HYCC1: variants seen among roughly 807,000 people sequenced by gnomAD.
HYCC1 encodes hyccin PI4KA lipid kinase complex subunit 1, also known as hyccin.
the HYCC1 span, among the ~76,000 whole-genome samples, chr7:22,952,810 A>T: frequency 2.6e-5 from 4 of 151,894 alleles, no homozygotes; most frequent in African/African-American, 9.7e-5. Flanking sequence ...GCTATCACAG[A>T]AACACAGGAT....
the HYCC1 span, among the ~76,000 whole-genome samples, chr7:23,002,797 G>T: frequency 6.6e-6 from 1 of 152,254 alleles, no homozygotes; most frequent in East Asian, 1.9e-4. Flanking sequence ...CACAGACTGG[G>T]TGGCTTAAAC....
At chr7:22,898,457 C>T in the HYCC1 span, among the ~76,000 whole-genome samples, 6 of 151,974 alleles carry the variant, frequency 3.9e-5, no homozygotes, top group Non-Finnish European at 8.8e-5. Context: ...CATGATCTGC[C>T]TGACTTGGCC....
At chr7:22,968,821 A>C in the HYCC1 span, among the ~76,000 whole-genome samples, 1 of 152,078 alleles carries the variant, frequency 6.6e-6, no homozygotes, top group Non-Finnish European at 1.5e-5. Context: ...CCCCATTTCT[A>C]CTAAAAATAC....
chr7:22,977,664 T>C, the HYCC1 span, among the ~76,000 whole-genome samples: 1 of 152,196 alleles, frequency 6.6e-6, no homozygotes, highest in Admixed American at 6.5e-5. Context: ...AGATACAGTG[T>C]CTTAATAATC....
At chr7:23,002,711 G>A in the HYCC1 span, among the ~76,000 whole-genome samples, 1 of 152,150 alleles carries the variant, frequency 6.6e-6, no homozygotes, top group Admixed American at 6.5e-5. Context: ...GGCAAATTAA[G>A]GGTATTTGAG....
At chr7:22,899,184 TG>T in the HYCC1 span, among the ~76,000 whole-genome samples, 1 of 152,078 alleles carries the variant, frequency 6.6e-6, no homozygotes, top group African/African-American at 2.4e-5. Flanking sequence ...GAGTGAGGTC[TG>T]GGGATATTAA....
chr7:22,966,351 A>G, the HYCC1 span, among the ~76,000 whole-genome samples: 4 of 151,940 alleles, frequency 2.6e-5, no homozygotes, highest in Non-Finnish European at 4.4e-5. Context: ...GAGTGCAGTG[A>G]CATGATCTTG....
the HYCC1 span, among the ~76,000 whole-genome samples, chr7:22,978,889 C>G: frequency 5.3e-5 from 8 of 152,260 alleles, no homozygotes; most frequent in South Asian, 1.7e-3. Context: ...TCCTCTCCCA[C>G]CACACTCTCA....
the HYCC1 span, among the ~76,000 whole-genome samples, chr7:22,925,370 G>C: frequency 6.6e-6 from 1 of 152,118 alleles, no homozygotes; most frequent in Non-Finnish European, 1.5e-5. Context: ...GGCTCCAGAA[G>C]ATCAAGCTAC....
chr7:22,955,454 T>C, the HYCC1 span, among the ~76,000 whole-genome samples: 1 of 151,616 alleles, frequency 6.6e-6, no homozygotes, highest in Non-Finnish European at 1.5e-5. Flanking sequence ...AATAAAAAAA[T>C]CGAGATTCCA....
At chr7:22,965,795 T>C in the HYCC1 span, among the ~76,000 whole-genome samples, 1 of 151,310 alleles carries the variant, frequency 6.6e-6, no homozygotes, top group Non-Finnish European at 1.5e-5. Context: ...TAAAACAAAA[T>C]TTTTTTTTGA....
At chr7:23,012,175 A>G in the HYCC1 span, among the ~76,000 whole-genome samples, 11 of 152,234 alleles carry the variant, frequency 7.2e-5, no homozygotes, top group African/African-American at 2.7e-4. Flanking sequence ...TAGGTCTTGA[A>G]TACTAAGATT....
chr7:22,995,241 A>G, the HYCC1 span, among the ~76,000 whole-genome samples: 1 of 151,974 alleles, frequency 6.6e-6, no homozygotes, highest in Non-Finnish European at 1.5e-5. Context: ...TCATCTATCA[A>G]TCAATCCACC....
At chr7:22,986,090 G>A in the HYCC1 span, among the ~76,000 whole-genome samples, 1 of 151,540 alleles carries the variant, frequency 6.6e-6, no homozygotes, top group African/African-American at 2.4e-5. Flanking sequence ...GAATTACAAT[G>A]TTCAGCTTAT....
the HYCC1 span, among the ~76,000 whole-genome samples, chr7:22,990,864 A>G: frequency 6.6e-6 from 1 of 152,202 alleles, no homozygotes; most frequent in Non-Finnish European, 1.5e-5. Flanking sequence ...AACTCTTTGA[A>G]CCACTTGGGG....
At chr7:22,967,958 C>T in the HYCC1 span, among the ~76,000 whole-genome samples, 1 of 152,104 alleles carries the variant, frequency 6.6e-6, no homozygotes, top group Non-Finnish European at 1.5e-5. Flanking sequence ...AAAAGCACTG[C>T]CATCCCTCTT....
At chr7:22,929,957 G>T in the HYCC1 span, among the ~76,000 whole-genome samples, 1 of 151,996 alleles carries the variant, frequency 6.6e-6, no homozygotes, top group East Asian at 1.9e-4. Flanking sequence ...GTCCAACAAT[G>T]ATAGACTGGA....
At chr7:23,004,483 C>T in the HYCC1 span, among the ~76,000 whole-genome samples, 1 of 152,126 alleles carries the variant, frequency 6.6e-6, no homozygotes, top group Admixed American at 6.5e-5. Flanking sequence ...AATATGATTT[C>T]CATGAAGAGG....
At chr7:22,946,993 T>G in the HYCC1 span, 1 of 1,549,602 alleles carries the variant, frequency 6.5e-7, no homozygotes, top group Non-Finnish European at 8.7e-7. Flanking sequence ...AACTGCACTC[T>G]GCCAGGTGAG....
Sources: allele counts gnomAD v4.1 joint callset (sites outside exome capture counted in the v4.1 genomes callset), GRCh38; gene constraint gnomAD v4.1.1; transcripts MANE v1.5; gene names NCBI Gene and HGNC (gene_info 2026-07-23, HGNC 2026-07-21).